The following CEMIP variants were observed in gnomAD, a reference collection of about 807,000 sequenced individuals.
CEMIP encodes cell migration inducing hyaluronidase 1.
In CEMIP, 105 loss-of-function variants were observed where a neutral mutation model predicts 156.9. The observed-to-expected ratio is 0.67, with a 90% confidence interval of 0.57 to 0.79. CEMIP has a LOEUF of 0.79. Ranked by LOEUF, CEMIP falls within the 30% of genes least tolerant of loss-of-function variation. The pLI is 0.00. For synonymous variants in CEMIP, 676 were observed against 668.4 expected (o/e 1.01, Z -0.17); for missense variants, 1,457 against 1,769.4 (o/e 0.82, Z 3.17).
chr15:80,779,694 G>C (rs1316314635), intron 1 of CEMIP, 80 bp downstream of exon 1: 4 of 152,502 alleles, frequency 2.6e-5, no homozygotes, highest in African/African-American at 9.6e-5. Context: ...GGGGGCCCGC[G>C]CCTCCACCCG....
intron 25 of CEMIP, among the ~76,000 whole-genome samples, chr15:80,941,608 C>T (rs777226297): frequency 6.6e-6 from 1 of 152,210 alleles, no homozygotes; most frequent in African/African-American, 2.4e-5. Context: ...ACGATGTGTG[C>T]ACGGCGTGGC....
intron 3 of CEMIP, among the ~76,000 whole-genome samples, chr15:80,877,405 T>C (rs1450840127): frequency 6.6e-6 from 1 of 152,174 alleles, no homozygotes; most frequent in Non-Finnish European, 1.5e-5. Context: ...TCTGAAACCT[T>C]GCTCTGCCAT....
At position 80,890,424 on chromosome 15, in the gene CEMIP, C is replaced by CAA. The variant is rs35179100; in HGVS notation, c.1086+847_1086+848dup. 7.6e-4 allele frequency among the ~76,000 whole-genome samples: 92 copies of CAA among 121,694 alleles called. No individual in the cohort carries two copies. The East Asian group carries it at 7.7e-3, about 10-fold the overall frequency. The allele number at this position is 121,694 out of a possible 152,430, so 79.8% of individuals were successfully genotyped here. ...TGAAACCCCCTCTCGACTAAAAATA[C>CAA]AAAAAAAAAAAAAAAATTAGCTTGG... On this transcript the variant is annotated intron_variant, in intron 10 of 29. Transcript: ENST00000394685.
intron 12 of CEMIP, chr15:80,897,432 G>A (rs1464631805): frequency 2.3e-6 from 1 of 442,922 alleles, no homozygotes; most frequent in Non-Finnish European, 4.6e-6. Flanking sequence ...TAGAGGTCAT[G>A]TGGTGGAGGC....
chr15:80,849,396 G>C (rs905540721), intron 1 of CEMIP, among the ~76,000 whole-genome samples: 8 of 152,274 alleles, frequency 5.3e-5, no homozygotes, highest in African/African-American at 1.9e-4. Context: ...AATTCAGCAG[G>C]AACTTCCAGC....
At chr15:80,835,102 AG>A (rs2141688527) in intron 1 of CEMIP, among the ~76,000 whole-genome samples, 1 of 152,146 alleles carries the variant, frequency 6.6e-6, no homozygotes, top group South Asian at 2.1e-4. Context: ...AGAGAGAGAG[AG>A]AAAGAGACAG....
rs1478696920 is a variant in CEMIP at position 80,888,689 on chromosome 15, T to C, written c.869-12T>C. 1.9e-6 allele frequency: 3 copies of C among 1,613,672 alleles called. No individual in the cohort carries two copies. In the African/African-American group the frequency reaches 4.0e-5, roughly 22 times the overall value. On this transcript the variant is annotated splice_polypyrimidine_tract_variant and intron_variant, in intron 8 of 29. Coordinates refer to ENST00000394685, the MANE Select transcript of CEMIP (RefSeq NM_001293298.2). ...TCTGTCCAGCTCCTAAAGGGTCTCG[T>C]TTCTCTGACAGGACATCGAGGCTCT...
intron 17 of CEMIP, among the ~76,000 whole-genome samples, chr15:80,924,227 T>G (rs1315151270): frequency 6.6e-6 from 1 of 152,204 alleles, no homozygotes; most frequent in Non-Finnish European, 1.5e-5. Context: ...GGACTTAGGT[T>G]CAGCATTTCC....
chr15:80,888,941 G>T, intron 9 of CEMIP, 145 bp downstream of exon 9: 1 of 782,646 alleles, frequency 1.3e-6, no homozygotes, highest in Non-Finnish European at 2.2e-6. Flanking sequence ...GCAACCAAAA[G>T]TTGTCTTTAA....
chr15:80,887,881 T>C, intron 8 of CEMIP, 117 bp downstream of exon 8: 1 of 867,666 alleles, frequency 1.2e-6, no homozygotes, highest in Non-Finnish European at 1.9e-6. Flanking sequence ...TCCCAATGTC[T>C]AGATGAGTGA....
chr15:80,864,488 C>G (rs11072952), intron 1 of CEMIP, among the ~76,000 whole-genome samples: 20,992 of 152,134 alleles, frequency 0.14, 1,958 homozygotes, highest in East Asian at 0.53. Flanking sequence ...TGGGTAATGG[C>G]GACACACTGA....
At chr15:80,871,503 T>C (rs1264028180) in intron 1 of CEMIP, among the ~76,000 whole-genome samples, 1 of 152,202 alleles carries the variant, frequency 6.6e-6, no homozygotes, top group Non-Finnish European at 1.5e-5. Flanking sequence ...CCCCACTCGG[T>C]ACCTGGGAAG....
At position 80,897,237 on chromosome 15, in the gene CEMIP, G is replaced by A. The variant is rs75817565; in HGVS notation, c.1411+1177G>A. On this transcript the variant is annotated intron_variant, in intron 12 of 29. Transcript: ENST00000394685. ...GAGAAAGACCATGGATTGAGAAAGC[G>A]TATCCAATATACTCACCATATCTAT... 280 of 455,688 alleles carry A rather than the reference G, an allele frequency of 6.1e-4. 1 individual carries two copies. Among genetic ancestry groups the A allele is most frequent in the African/African-American group, 4.5e-3 (226 of 50,152 alleles). 28.2% of individuals were successfully genotyped at this position (455,688 alleles called of 1,614,324 possible). A position where few individuals can be genotyped will look rare whatever the true frequency, so the allele number is the denominator to read the frequency against.
intron 21 of CEMIP, among the ~76,000 whole-genome samples, chr15:80,931,343 C>A (rs1304627672): frequency 6.6e-6 from 1 of 152,214 alleles, no homozygotes; most frequent in African/African-American, 2.4e-5. Context: ...GGCTTACTCC[C>A]AGAGGAGAAA....
chr15:80,812,306 A>G (rs191590418), intron 1 of CEMIP, among the ~76,000 whole-genome samples: 38 of 152,278 alleles, frequency 2.5e-4, no homozygotes, highest in African/African-American at 9.1e-4. Context: ...TTTCATCTTC[A>G]TGTCCATCTA....
intron 1 of CEMIP, among the ~76,000 whole-genome samples, chr15:80,854,841 T>C (rs910683953): frequency 2.6e-5 from 4 of 152,132 alleles, no homozygotes; most frequent in African/African-American, 9.7e-5. Flanking sequence ...AAGCCATACC[T>C]ATTTTAAAAA....
intron 1 of CEMIP, among the ~76,000 whole-genome samples, chr15:80,850,653 C>T (rs1169225434): frequency 6.6e-6 from 1 of 152,166 alleles, no homozygotes; most frequent in East Asian, 1.9e-4. Context: ...AGGGACTTGG[C>T]TGCTCCCTAA....
At chr15:80,864,466 G>A (rs780208579) in intron 1 of CEMIP, among the ~76,000 whole-genome samples, 5 of 152,206 alleles carry the variant, frequency 3.3e-5, no homozygotes, top group South Asian at 4.1e-4. Flanking sequence ...GTCACTGCCC[G>A]GGAGGCAACC....
At chr15:80,858,525 C>G (rs1366473845) in intron 1 of CEMIP, among the ~76,000 whole-genome samples, 2 of 149,934 alleles carry the variant, frequency 1.3e-5, no homozygotes, top group Non-Finnish European at 3.0e-5. Context: ...AGCAGCCTGA[C>G]CAACATGGAG....
Sources: gnomAD v4.1 joint callset for allele counts (sites outside exome capture counted in the v4.1 genomes callset) on GRCh38, gnomAD v4.1.1 for gene constraint, MANE v1.5 for transcripts, NCBI Gene and HGNC (gene_info 2026-07-23, HGNC 2026-07-21) for gene names.